MELK: variants seen among roughly 807,000 people sequenced by gnomAD.
MELK encodes the protein pEg3 kinase.
Under a neutral mutation model 85.0 loss-of-function variants are expected in MELK, and 81 were observed. The observed-to-expected ratio is 0.95, with a 90% CI of 0.80 to 1.15. The LOEUF (loss-of-function observed/expected upper bound fraction) is 1.15, where lower values mean the gene tolerates loss of function less well. MELK is among the 50% of genes most tolerant of loss of function. The pLI is 0.00. For missense variants in MELK, 754 were observed against 777.5 expected (o/e 0.97, Z 0.36); for synonymous variants, 252 against 265.0 (o/e 0.95, Z 0.48).
chr9:36,601,026 T>G (rs995705070), intron 7 of MELK, among the ~76,000 whole-genome samples: 21 of 152,038 alleles, frequency 1.4e-4, no homozygotes, highest in Admixed American at 1.4e-3. Context: ...ATATGCATGT[T>G]TTTTTTTGAA....
chr9:36,612,852 G>A (rs1327839873), intron 8 of MELK, among the ~76,000 whole-genome samples: 2 of 152,104 alleles, frequency 1.3e-5, no homozygotes, highest in Admixed American at 1.3e-4. Context: ...ATTTTTTTGT[G>A]GATGTTTTGT....
At chr9:36,604,285 TTTTTTTTTTTG>T in intron 7 of MELK, among the ~76,000 whole-genome samples, 1 of 127,910 alleles carries the variant, frequency 7.8e-6, no homozygotes. Flanking sequence ...TTTTTTTTTT[TTTTTTTTTTTG>T]AGACAAAGTC....
intron 12 of MELK, among the ~76,000 whole-genome samples, chr9:36,654,428 T>G (rs907025037): frequency 5.0e-5 from 7 of 140,102 alleles, no homozygotes; most frequent in Non-Finnish European, 1.1e-4. Flanking sequence ...TGGTCTTGGC[T>G]CGCTGCAACC....
chr9:36,592,593 C>T (rs1235167476), intron 4 of MELK, among the ~76,000 whole-genome samples: 5 of 152,090 alleles, frequency 3.3e-5, no homozygotes, highest in African/African-American at 1.2e-4. Flanking sequence ...CTTACACACA[C>T]ATGGTGTGAC....
At chr9:36,601,022 A>G (rs887247225) in intron 7 of MELK, among the ~76,000 whole-genome samples, 2 of 151,902 alleles carry the variant, frequency 1.3e-5, no homozygotes, top group Admixed American at 1.3e-4. Flanking sequence ...ATATATATGC[A>G]TGTTTTTTTT....
At chr9:36,622,278 A>G (rs1157271407) in intron 8 of MELK, among the ~76,000 whole-genome samples, 2 of 152,224 alleles carry the variant, frequency 1.3e-5, no homozygotes, top group Non-Finnish European at 2.9e-5. Context: ...AGTGTAATAC[A>G]GTCTGCTGGT....
intron 1 of MELK, among the ~76,000 whole-genome samples, chr9:36,575,665 C>G (rs1463335973): frequency 6.6e-6 from 1 of 152,136 alleles, no homozygotes; most frequent in South Asian, 2.1e-4. Flanking sequence ...ACAACTTGCC[C>G]ATCTCTGCTA....
chr9:36,636,895 C>T (rs1432199191), intron 10 of MELK, among the ~76,000 whole-genome samples: 2 of 151,852 alleles, frequency 1.3e-5, no homozygotes, highest in Non-Finnish European at 2.9e-5. Context: ...GGAGCAGTGG[C>T]ACGATCTCTG....
intron 1 of MELK, among the ~76,000 whole-genome samples, chr9:36,581,186 T>A (rs1295029361): frequency 2.6e-5 from 4 of 152,016 alleles, no homozygotes; most frequent in Non-Finnish European, 5.9e-5. Flanking sequence ...TTTGGTTGTA[T>A]AGAAGTGCTT....
At chr9:36,580,950 G>A (rs1030396850) in intron 1 of MELK, among the ~76,000 whole-genome samples, 7 of 151,166 alleles carry the variant, frequency 4.6e-5, no homozygotes, top group Non-Finnish European at 5.9e-5. Flanking sequence ...GGCTGGTCTC[G>A]AACTCATGAT....
chr9:36,619,304 T>C (rs919095037), intron 8 of MELK, among the ~76,000 whole-genome samples: 16 of 152,144 alleles, frequency 1.1e-4, no homozygotes, highest in African/African-American at 3.9e-4. Flanking sequence ...GTATAATACC[T>C]CTCAGCCAGG....
intron 14 of MELK, among the ~76,000 whole-genome samples, chr9:36,667,487 G>T (rs1832493760): frequency 6.6e-6 from 1 of 152,160 alleles, no homozygotes; most frequent in African/African-American, 2.4e-5. Context: ...AAATTTTAAT[G>T]CCATAATCCC....
chr9:36,672,598 G>A (rs1159656044), intron 16 of MELK, among the ~76,000 whole-genome samples: 8 of 152,156 alleles, frequency 5.3e-5, no homozygotes, highest in Admixed American at 5.2e-4. Context: ...AGAAGACCTG[G>A]GTTCTGGCTC....
At chr9:36,624,451 C>G (rs1235312341) in intron 8 of MELK, among the ~76,000 whole-genome samples, 1 of 152,158 alleles carries the variant, frequency 6.6e-6, no homozygotes, top group Non-Finnish European at 1.5e-5. Context: ...AGAGGCGGAA[C>G]TGGGATTCAA....
chr9:36,628,163 A>T (rs916906735), intron 8 of MELK, among the ~76,000 whole-genome samples: 1 of 151,172 alleles, frequency 6.6e-6, no homozygotes, highest in Non-Finnish European at 1.5e-5. Flanking sequence ...GATTACAGGC[A>T]TGAGCCACTG....
At chr9:36,573,783 A>C (rs946839618) in intron 1 of MELK, among the ~76,000 whole-genome samples, 11 of 152,222 alleles carry the variant, frequency 7.2e-5, no homozygotes, top group African/African-American at 2.4e-4. Flanking sequence ...CTGGGATTAC[A>C]GGCGTGAGCC....
Position 36,649,233 on chromosome 9 carries a change from T to TC in MELK, c.922-2510dup, listed in dbSNP as rs369839217. On this transcript the variant is annotated intron_variant, in intron 11 of 17. Coordinates refer to ENST00000298048, the MANE Select transcript of MELK (RefSeq NM_014791.4). ...TAGGTGCGGCGGCTCACACCTGTAA[T>TC]CCCAGCACTTTGGGAGGCCAGCGCG... Among the ~76,000 whole-genome samples, 631 of 152,202 alleles carry TC rather than the reference T, an allele frequency of 4.1e-3. 3 individuals carry two copies. Among genetic ancestry groups the TC allele is most frequent in the African/African-American group, 0.014 (568 of 41,520 alleles).
intron 8 of MELK, among the ~76,000 whole-genome samples, chr9:36,611,557 T>C (rs1339557753): frequency 6.6e-6 from 1 of 152,086 alleles, no homozygotes; most frequent in Non-Finnish European, 1.5e-5. Context: ...AATCAGAATA[T>C]CATTGAGGTT....
rs1191191605 is a variant in MELK at position 36,651,796 on chromosome 9, G to A, written c.972G>A (p.Lys324=). The A allele has an allele frequency of 5.6e-6, 9 of 1,613,926 alleles. No individual in the cohort carries two copies. Among genetic ancestry groups the A allele is most frequent in the Non-Finnish European group, 7.6e-6 (9 of 1,179,980 alleles). Residue 324 remains lysine, a synonymous_variant, in exon 12 of 18, where the codon AAG becomes AAA. Coordinates refer to ENST00000298048, the MANE Select transcript of MELK (RefSeq NM_014791.4). The part of the protein sequence containing the change: ...TATYLLLLAK[K]ARGKPVRLRL... ...CCTATCTTCTGCTTCTAGCCAAGAA[G>A]GCTCGGGGAAAACCAGTTCGTTTAA... is the stretch of plus-strand genomic sequence containing the variant.
Sources: gnomAD v4.1 joint callset for allele counts (sites outside exome capture counted in the v4.1 genomes callset) on GRCh38, gnomAD v4.1.1 for gene constraint, MANE v1.5 for transcripts, NCBI Gene and HGNC (gene_info 2026-07-23, HGNC 2026-07-21) for gene names.